PCDHGA1: variants seen among roughly 807,000 people sequenced by gnomAD.
PCDHGA1 encodes protocadherin gamma subfamily A, 1.
A neutral mutation model predicts 58.0 loss-of-function variants in PCDHGA1; 32 were observed. The observed-to-expected ratio is 0.55, with a 90% CI of 0.42 to 0.74. The LOEUF is 0.74. Among genes scored for constraint, PCDHGA1 ranks in the 30% least tolerant of loss-of-function variants. The probability of loss-of-function intolerance (pLI) is 0.00; values close to 1 mark genes in which losing one functional copy is unlikely to be tolerated. For synonymous variants in PCDHGA1, 498 were observed against 501.1 expected, an observed-to-expected ratio of 0.99 and a Z score of 0.08; for missense variants, 1,205 against 1,182.3, an observed-to-expected ratio of 1.02 and a Z score of -0.28.
intron 1 of PCDHGA1, among the ~76,000 whole-genome samples, chr5:141,387,171 G>A (rs1194101631): frequency 6.6e-6 from 1 of 152,156 alleles, no homozygotes; most frequent in Non-Finnish European, 1.5e-5. Flanking sequence ...AGTATAAATT[G>A]CACCTTCTAA....
chr5:141,479,469 C>T lies in PCDHGA1; in HGVS notation c.2422-15338C>T, dbSNP rs1218436564. 8 of 152,344 alleles carry T rather than the reference C, an allele frequency of 5.3e-5. No homozygotes were observed. In the East Asian group the frequency reaches 1.5e-3, roughly 29 times the overall value. 9.4% of individuals were successfully genotyped at this position (152,344 alleles called of 1,614,324 possible). On this transcript the variant is annotated intron_variant, in intron 1 of 3. Transcript: ENST00000517417. ...AAGTTCAGCATGAATACAGTGACCT[C>T]TTGGGAGGGCAGGACCATCAGGTTG...
chr5:141,490,120 G>A lies in PCDHGA1; in HGVS notation c.2422-4687G>A. On this transcript the variant is annotated intron_variant, in intron 1 of 3. Coordinates refer to ENST00000517417, the MANE Select transcript of PCDHGA1 (RefSeq NM_018912.3). This position sits in a 1 kb window ranked among gnomAD's most constrained non-coding sequence, Gnocchi z 5.4. ...ATCTGAGGCAGTGCGGAACCTCTTT[G>A]GCCTAGACCCTAGCAGTGGGGCAAT... 6.2e-7 allele frequency: 1 copy of A among 1,614,224 alleles called. No homozygotes were observed. Among genetic ancestry groups the A allele is most frequent in the East Asian group, 2.2e-5 (1 of 44,888 alleles).
At chr5:141,356,677 G>T (rs759254327) in intron 1 of PCDHGA1, 2 of 1,613,980 alleles carry the variant, frequency 1.2e-6, no homozygotes, top group Non-Finnish European at 1.7e-6. Context: ...CTCCCTGGCC[G>T]AAGACACCTT....
intron 1 of PCDHGA1, chr5:141,418,462 C>G: frequency 1.2e-6 from 2 of 1,613,974 alleles, no homozygotes; most frequent in Non-Finnish European, 8.5e-7. Flanking sequence ...AGACTCTGGA[C>G]CGAGAAACGC....
At chr5:141,376,288 G>A (rs753554580) in intron 1 of PCDHGA1, 4 of 1,614,216 alleles carry the variant, frequency 2.5e-6, no homozygotes, top group South Asian at 2.2e-5. Flanking sequence ...TAGCGAGCAT[G>A]CCCGGCTCGC....
At chr5:141,362,842 G>A (rs914236612) in intron 1 of PCDHGA1, among the ~76,000 whole-genome samples, 18 of 152,134 alleles carry the variant, frequency 1.2e-4, no homozygotes, top group Admixed American at 8.5e-4. Context: ...TGAGACTTTA[G>A]GCAATTAGTT....
chr5:141,396,708 T>C (rs1402538886), intron 1 of PCDHGA1: 1 of 152,190 alleles, frequency 6.6e-6, no homozygotes, highest in Admixed American at 6.5e-5. Flanking sequence ...AGCATTTGAA[T>C]AAAGCTAATA....
intron 1 of PCDHGA1, chr5:141,344,146 A>C: frequency 2.5e-6 from 4 of 1,614,008 alleles, no homozygotes; most frequent in Non-Finnish European, 3.4e-6. Context: ...GTGTCTGAGG[A>C]GCTAGATAAA....
At chr5:141,509,411 AGCC>A (rs2099876675) in intron 3 of PCDHGA1, among the ~76,000 whole-genome samples, 2 of 152,098 alleles carry the variant, frequency 1.3e-5, no homozygotes, top group Admixed American at 1.3e-4. Flanking sequence ...TCCAGCAGCG[AGCC>A]CCAATGAGTC....
chr5:141,357,297 T>C, intron 1 of PCDHGA1: 5 of 1,614,044 alleles, frequency 3.1e-6, no homozygotes, highest in Non-Finnish European at 4.2e-6. Context: ...CAGTGGCCGC[T>C]GTCTCCTGCG....
rs192995605 is a variant in PCDHGA1 at position 141,395,094 on chromosome 5, G to C, written c.2421+61989G>C. 2.2e-4 allele frequency: 348 copies of C among 1,614,160 alleles called. 5 individuals carry two copies. The East Asian group carries it at 7.6e-3, about 35-fold the overall frequency. ...CTATTCCCAGGAAGTCTCCCTCACC[G>C]CCGACTCGCGGAAGAGTCACCTGAT... On this transcript the variant is annotated intron_variant, in intron 1 of 3. Transcript: ENST00000517417.
At chr5:141,362,052 C>T (rs1344893342) in intron 1 of PCDHGA1, 1 of 1,611,434 alleles carries the variant, frequency 6.2e-7, no homozygotes, top group African/African-American at 1.3e-5. Context: ...ACGCGGCCCG[C>T]CAGCGCCTGC....
chr5:141,406,331 C>T lies in PCDHGA1; in HGVS notation c.2421+73226C>T, dbSNP rs577134835. 6.6e-5 allele frequency among the ~76,000 whole-genome samples: 10 copies of T among 152,002 alleles called. No homozygotes were observed. In the East Asian group the frequency reaches 1.3e-3, roughly 21 times the overall value. ...CTCACCCAGCAAATTCTTACTCCTA[C>T]GATCATTTATTCAGGTCATACTATG... On this transcript the variant is annotated intron_variant, in intron 1 of 3. Coordinates refer to ENST00000517417, the MANE Select transcript of PCDHGA1 (RefSeq NM_018912.3).
intron 1 of PCDHGA1, among the ~76,000 whole-genome samples, chr5:141,368,196 G>T (rs1437997648): frequency 1.3e-5 from 2 of 152,104 alleles, no homozygotes; most frequent in Non-Finnish European, 2.9e-5. Flanking sequence ...AGGGGAAAAG[G>T]TAATAAAATA....
chr5:141,457,020 C>A (rs2098903789), intron 1 of PCDHGA1, among the ~76,000 whole-genome samples: 1 of 152,086 alleles, frequency 6.6e-6, no homozygotes, highest in Non-Finnish European at 1.5e-5. Flanking sequence ...AATAAAAAGT[C>A]CTAGTAGACT....
intron 1 of PCDHGA1, among the ~76,000 whole-genome samples, chr5:141,337,050 G>A (rs1009765397): frequency 2.6e-5 from 4 of 152,132 alleles, no homozygotes; most frequent in African/African-American, 9.7e-5. Flanking sequence ...CTAGTCATTA[G>A]GGAAATGCAA....
intron 1 of PCDHGA1, among the ~76,000 whole-genome samples, chr5:141,438,397 C>A (rs950830331): frequency 6.6e-6 from 1 of 151,624 alleles, no homozygotes. Context: ...TCATCATTAA[C>A]TCTCTGAAGT....
In PCDHGA1 at chr5:141,485,125, G is replaced by A. The variant is rs776015544; in HGVS notation, c.2422-9682G>A. 7.1e-7 allele frequency: 1 copy of A among 1,412,160 alleles called. No homozygotes were observed. The highest frequency in any genetic ancestry group is 1.2e-5 in the South Asian group (1 of 81,022). The allele number at this position is 1,412,160 out of a possible 1,614,324, so 87.5% of individuals were successfully genotyped here. On this transcript the variant is annotated intron_variant, in intron 1 of 3. Transcript: ENST00000517417. This position sits in a 1 kb window ranked among gnomAD's most constrained non-coding sequence, Gnocchi z 5.7. ...CTGCTGTGGCTGTTTGGGGCGGGTC[G>A]GCTTCATCCGCGTCTCAGGAGCAAG... is the stretch of plus-strand genomic sequence containing the variant.
chr5:141,371,333 T>C, intron 1 of PCDHGA1: 2 of 1,613,850 alleles, frequency 1.2e-6, no homozygotes, highest in Non-Finnish European at 1.7e-6. Context: ...AAGAGAGAGA[T>C]AGCTACACAA....
Sources: allele counts gnomAD v4.1 joint callset (sites outside exome capture counted in the v4.1 genomes callset), GRCh38; gene constraint gnomAD v4.1.1; non-coding constraint Gnocchi (gnomAD v3.1); transcripts MANE v1.5; gene names NCBI Gene and HGNC (gene_info 2026-07-23, HGNC 2026-07-21).